DYSF: variants seen among roughly 807,000 people sequenced by gnomAD.
DYSF encodes the protein dysferlin.
A neutral mutation model predicts 274.9 loss-of-function variants in DYSF; 212 were observed. The observed-to-expected ratio is 0.77, with a 90% CI of 0.69 to 0.86. The LOEUF (loss-of-function observed/expected upper bound fraction) is 0.86. DYSF is among the 40% of genes least tolerant of loss of function. DYSF has a pLI of 0.00. For synonymous variants in DYSF, 1,091 were observed against 1,078.7 expected, an observed-to-expected ratio of 1.01 and a Z score of -0.22; for missense variants, 2,666 against 2,783.2, an observed-to-expected ratio of 0.96 and a Z score of 0.95.
chr2:71,503,244 A>G lies in DYSF; in HGVS notation c.270A>G (p.Arg90=). 6.2e-7 allele frequency: 1 copy of G among 1,614,006 alleles called. No individual in the cohort carries two copies. Among genetic ancestry groups the G allele is most frequent in the Non-Finnish European group, 8.5e-7 (1 of 1,179,956 alleles). Residue 90 remains arginine (R), a synonymous_variant, in exon 4 of 56, where the codon CGA becomes CGG. Transcript: ENST00000410020. ...RFLGEAKVPL[R]EVLATPSLSA... ...TGGGGGAAGCCAAGGTCCCACTCCG[A>G]GAGGTCCTCGCCACCCCTAGTCTGT...
chr2:71,686,136 G>C (rs2095353693), intron 55 of DYSF, among the ~76,000 whole-genome samples: 1 of 152,210 alleles, frequency 6.6e-6, no homozygotes, highest in South Asian at 2.1e-4. Flanking sequence ...GGCCTGGCTT[G>C]ATGGGGGAGA....
rs1209127665 is a variant in DYSF, at chr2:71,528,328, A to C, written c.1307A>C (p.Gln436Pro). The C allele has an allele frequency of 6.2e-7, 1 of 1,614,176 alleles. No individual in the cohort carries two copies. The change falls in exon 14 of 56, where the codon CAG (glutamine) becomes CCG (proline). Residue 436 changes from glutamine (Q) to proline (P), a missense_variant. Gln to Pro is a moderately conservative substitution (Grantham distance 76, BLOSUM62 -1). Coordinates refer to ENST00000410020, the MANE Select transcript of DYSF (RefSeq NM_001130987.2). ...GATGCCGTGATGGACAACGTGAAAC[A>C]GATCTTTGGCTTCGAGAGTAACAAG... is the stretch of plus-strand genomic sequence containing the variant. The part of the protein sequence containing the change: ...MDDAVMDNVK[Q>P]IFGFESNKKN...
In DYSF at chr2:71,598,546, C is replaced by G. The variant is rs376861951; in HGVS notation, c.3575-18C>G. 6 of 1,614,040 alleles carry G rather than the reference C, an allele frequency of 3.7e-6. No homozygotes were observed. In the African/African-American group the frequency reaches 4.0e-5, roughly 11 times the overall value. ...CCTGCTGTGTCCTGTCTCCCCTCCC[C>G]CTCTCCGGCCCATGCAGATCCCTAT... On this transcript the variant is annotated intron_variant, in intron 32 of 55. Transcript: ENST00000410020.
chr2:71,562,063 C>A, intron 23 of DYSF, 119 bp downstream of exon 23: 2 of 1,395,110 alleles, frequency 1.4e-6, no homozygotes, highest in Non-Finnish European at 2.0e-6. Flanking sequence ...TGCTGGGTGA[C>A]CTTGGGCAGG....
At chr2:71,560,593 C>G (rs985961614) in intron 22 of DYSF, among the ~76,000 whole-genome samples, 1 of 152,200 alleles carries the variant, frequency 6.6e-6, no homozygotes, top group Non-Finnish European at 1.5e-5. Flanking sequence ...GTACTGCTCC[C>G]CCCATCCTAA....
At chr2:71,576,011 A>C (rs1333442598) in intron 30 of DYSF, among the ~76,000 whole-genome samples, 1 of 152,104 alleles carries the variant, frequency 6.6e-6, no homozygotes, top group African/African-American at 2.4e-5. Context: ...ACAGCGCCAC[A>C]CTCTGTTTTC....
chr2:71,610,536 C>T (rs564662710), intron 36 of DYSF, among the ~76,000 whole-genome samples: 2 of 152,196 alleles, frequency 1.3e-5, no homozygotes, highest in Non-Finnish European at 2.9e-5. Flanking sequence ...TTGAGGATTC[C>T]TGCCCAACTC....
chr2:71,669,896 A>C (rs1573101682), intron 51 of DYSF, 150 bp downstream of exon 51: 2 of 990,364 alleles, frequency 2.0e-6, no homozygotes. Flanking sequence ...CATGGCCACC[A>C]CCTCCACTGT....
chr2:71,470,851 G>T (rs2081984109), intron 1 of DYSF, among the ~76,000 whole-genome samples: 1 of 147,474 alleles, frequency 6.8e-6, no homozygotes, highest in African/African-American at 2.5e-5. Flanking sequence ...GAGTGCAATG[G>T]CACGTTGTCG....
intron 4 of DYSF, among the ~76,000 whole-genome samples, chr2:71,507,470 T>C (rs904144274): frequency 5.3e-5 from 8 of 152,256 alleles, no homozygotes; most frequent in Non-Finnish European, 1.2e-4. Context: ...GTATTTATTT[T>C]GTTTATTATT....
At chr2:71,505,255 T>C (rs999280368) in intron 4 of DYSF, among the ~76,000 whole-genome samples, 4 of 152,176 alleles carry the variant, frequency 2.6e-5, no homozygotes, top group African/African-American at 9.7e-5. Flanking sequence ...GGCTGCACTG[T>C]AGTGCGAGGC....
chr2:71,644,060 G>A lies in DYSF; in HGVS notation c.4623G>A (p.Leu1541=). The change falls in exon 42 of 56, where the codon CTG becomes CTA. Residue 1541 remains leucine (L), a synonymous_variant. Coordinates refer to ENST00000410020, the MANE Select transcript of DYSF (RefSeq NM_001130987.2). ...ACCTGGAGAAGGATTTTGACACCCT[G>A]AAGGTAAGGCCTCTCTTCAGTCTGA... ...GSYLEKDFDT[L]KVYDTQLENV... 1 of 1,609,190 alleles carries A rather than the reference G, an allele frequency of 6.2e-7. No individual in the cohort carries two copies. Among genetic ancestry groups the A allele is most frequent in the East Asian group, 2.2e-5 (1 of 44,848 alleles).
intron 30 of DYSF, among the ~76,000 whole-genome samples, chr2:71,574,833 G>A (rs2092647098): frequency 6.6e-6 from 1 of 152,198 alleles, no homozygotes; most frequent in Non-Finnish European, 1.5e-5. Flanking sequence ...TAGAAGCTGA[G>A]CCCCAGGATG....
At chr2:71,616,924 T>G (rs1242177615) in intron 40 of DYSF, among the ~76,000 whole-genome samples, 1 of 152,180 alleles carries the variant, frequency 6.6e-6, no homozygotes, top group African/African-American at 2.4e-5. Context: ...TGTTGTTGTT[T>G]TTTTATTAAG....
intron 1 of DYSF, among the ~76,000 whole-genome samples, chr2:71,457,368 T>C (rs536983815): frequency 6.6e-6 from 1 of 152,312 alleles, no homozygotes; most frequent in Middle Eastern, 3.4e-3. Context: ...CACTGGTAAG[T>C]AGTGGGGTTA....
upstream of DYSF, chr2:71,466,613 G>C (rs926253284): frequency 3.2e-6 from 4 of 1,238,336 alleles, no homozygotes; most frequent in African/African-American, 6.2e-5. Flanking sequence ...GCCGCGGGCA[G>C]GGCGGATCTG....
chr2:71,491,576 C>T (rs2083859164), intron 3 of DYSF, among the ~76,000 whole-genome samples: 2 of 152,312 alleles, frequency 1.3e-5, no homozygotes, highest in Middle Eastern at 6.8e-3. Flanking sequence ...CACCCTCCAC[C>T]CTCTGAAAGG....
chr2:71,589,466 G>A (rs2093183179), intron 30 of DYSF, 127 bp from the exon 31 acceptor site: 2 of 766,066 alleles, frequency 2.6e-6, no homozygotes, highest in Non-Finnish European at 2.3e-6. Flanking sequence ...TGAAATTAGA[G>A]GCTGAGAGTT....
intron 3 of DYSF, among the ~76,000 whole-genome samples, chr2:71,489,684 G>T (rs758646866): frequency 7.9e-5 from 12 of 152,188 alleles, no homozygotes; most frequent in Non-Finnish European, 1.5e-4. Context: ...GCCAGTTGAG[G>T]CCTGTCTCCC....
Sources: gnomAD v4.1 joint callset for allele counts (sites outside exome capture counted in the v4.1 genomes callset) on GRCh38, gnomAD v4.1.1 for gene constraint, MANE v1.5 for transcripts, NCBI Gene and HGNC (gene_info 2026-07-23, HGNC 2026-07-21) for gene names.